The following PRKD1 variants were observed in gnomAD, a reference collection of about 807,000 sequenced individuals.
PRKD1 encodes the protein protein kinase D1.
A neutral mutation model predicts 95.9 loss-of-function variants in PRKD1; 63 were observed. The ratio of observed to expected loss-of-function variants is 0.66; its 90% confidence interval spans 0.54 to 0.81. The LOEUF is 0.81. Ranked by LOEUF, PRKD1 falls within the 30% of genes least tolerant of loss-of-function variation. The probability of loss-of-function intolerance (pLI) is 0.00; values close to 1 mark genes in which losing one functional copy is unlikely to be tolerated. For synonymous variants in PRKD1, 425 were observed against 423.1 expected, an observed-to-expected ratio of 1.00 and a Z score of -0.05; for missense variants, 1,048 against 1,165.3, an observed-to-expected ratio of 0.90 and a Z score of 1.47.
At chr14:29,643,225 G>C (rs1391374061) in intron 4 of PRKD1, among the ~76,000 whole-genome samples, 1 of 151,836 alleles carries the variant, frequency 6.6e-6, no homozygotes. Context: ...ATTTGATTTG[G>C]CAAATTATAT....
intron 1 of PRKD1, among the ~76,000 whole-genome samples, chr14:29,836,129 A>T (rs564727088): frequency 1.4e-4 from 21 of 152,314 alleles, no homozygotes; most frequent in African/African-American, 4.8e-4. Context: ...CAGACTACAG[A>T]GAAGGCATTT....
intron 1 of PRKD1, among the ~76,000 whole-genome samples, chr14:29,781,983 C>G (rs1230057121): frequency 6.6e-6 from 1 of 152,188 alleles, no homozygotes; most frequent in African/African-American, 2.4e-5. Context: ...TTTCTCTGAT[C>G]TTGTCAAGAA....
At chr14:29,622,693 T>G (rs4981052) in intron 13 of PRKD1, among the ~76,000 whole-genome samples, 146,814 of 152,256 alleles carry the variant, frequency 0.96, 70,837 homozygotes, top group Non-Finnish European at 0.98. Flanking sequence ...GTGAGCCATC[T>G]CGGCCGGCCT....
chr14:29,595,792 T>C (rs1361071669), intron 16 of PRKD1, among the ~76,000 whole-genome samples: 1 of 152,176 alleles, frequency 6.6e-6, no homozygotes, highest in African/African-American at 2.4e-5. Context: ...AAGTGTTTGA[T>C]TGGCTTCAGT....
intron 1 of PRKD1, among the ~76,000 whole-genome samples, chr14:29,870,599 T>C (rs934273708): frequency 1.3e-5 from 2 of 152,232 alleles, no homozygotes; most frequent in African/African-American, 2.4e-5. Context: ...CTACACCTTG[T>C]AAAAATTCCT....
chr14:29,657,487 C>G (rs1881936298), intron 4 of PRKD1: 1 of 152,202 alleles, frequency 6.6e-6, no homozygotes, highest in Non-Finnish European at 1.5e-5. Flanking sequence ...CATTTGCAAT[C>G]TGCAGCTAAC....
At chr14:29,700,753 G>A (rs1884784577) in intron 2 of PRKD1, among the ~76,000 whole-genome samples, 1 of 152,140 alleles carries the variant, frequency 6.6e-6, no homozygotes, top group Admixed American at 6.6e-5. Flanking sequence ...CCAATCAGTT[G>A]AAGGCATTAA....
At chr14:29,916,698 T>G (rs1333689910) in intron 1 of PRKD1, among the ~76,000 whole-genome samples, 1 of 152,200 alleles carries the variant, frequency 6.6e-6, no homozygotes, top group Non-Finnish European at 1.5e-5. Flanking sequence ...CCAAGGATGC[T>G]AAATGCAAAG....
intron 16 of PRKD1, among the ~76,000 whole-genome samples, chr14:29,594,530 T>C (rs943998235): frequency 1.3e-5 from 2 of 152,190 alleles, no homozygotes; most frequent in African/African-American, 2.4e-5. Context: ...ATTTTACAGA[T>C]GAGGAACTGA....
intron 1 of PRKD1, among the ~76,000 whole-genome samples, chr14:29,832,836 G>A (rs994574889): frequency 2.6e-5 from 4 of 151,982 alleles, no homozygotes; most frequent in Admixed American, 2.6e-4. Flanking sequence ...TCTTAACAAG[G>A]CTCCCAGTGA....
At chr14:29,609,508 A>ACG (rs1182298439) in intron 13 of PRKD1, among the ~76,000 whole-genome samples, 4 of 137,340 alleles carry the variant, frequency 2.9e-5, no homozygotes, top group African/African-American at 1.2e-4. Flanking sequence ...GTGTGCGTGC[A>ACG]CACACACACA....
rs1209308206 is a variant in PRKD1 at position 29,576,686 on chromosome 14, GCA to G, written c.*550_*551del. ...TTGTCTTGAGTTTAAATATACTGAG[GCA>G]CACCAGGCAGGCAAAGGATTCAAAA... On this transcript the variant is annotated 3_prime_UTR_variant, in exon 18 of 18. Transcript: ENST00000331968. 2 of 167,454 alleles carry G rather than the reference GCA, an allele frequency of 1.2e-5. No homozygotes were observed. The highest frequency in any genetic ancestry group is 2.6e-5 in the Non-Finnish European group (2 of 75,520). 10.4% of individuals were successfully genotyped at this position (167,454 alleles called of 1,614,324 possible). A position where few individuals can be genotyped will look rare whatever the true frequency, so the allele number is the denominator to read the frequency against.
intron 1 of PRKD1, among the ~76,000 whole-genome samples, chr14:29,889,842 A>G (rs570200142): frequency 6.6e-6 from 1 of 152,366 alleles, no homozygotes; most frequent in East Asian, 1.9e-4. Context: ...CCTATGTAAC[A>G]AACCTGCACG....
intron 1 of PRKD1, among the ~76,000 whole-genome samples, chr14:29,800,929 C>T (rs1459233537): frequency 6.6e-6 from 1 of 152,120 alleles, no homozygotes; most frequent in Non-Finnish European, 1.5e-5. Flanking sequence ...ATGGTATATA[C>T]ATTTTAAACT....
At chr14:29,795,392 T>C (rs1889769084) in intron 1 of PRKD1, among the ~76,000 whole-genome samples, 1 of 152,120 alleles carries the variant, frequency 6.6e-6, no homozygotes, top group Admixed American at 6.6e-5. Context: ...TCTTCCTCTG[T>C]ATTCTTACCT....
intron 2 of PRKD1, among the ~76,000 whole-genome samples, chr14:29,694,422 T>G (rs187414898): frequency 1.2e-3 from 188 of 152,334 alleles, no homozygotes; most frequent in Non-Finnish European, 1.5e-3. Context: ...AAGTGAAATT[T>G]CTTGTGGACC....
At chr14:29,647,783 T>C (rs1881223606) in intron 4 of PRKD1, among the ~76,000 whole-genome samples, 1 of 152,060 alleles carries the variant, frequency 6.6e-6, no homozygotes, top group South Asian at 2.1e-4. Context: ...AGAGACCAAA[T>C]AGGGGTGCAG....
At chr14:29,622,674 A>T (rs1181901987) in intron 13 of PRKD1, among the ~76,000 whole-genome samples, 1 of 152,088 alleles carries the variant, frequency 6.6e-6, no homozygotes, top group East Asian at 1.9e-4. Context: ...AAATGCTAGG[A>T]TTACAGGCGT....
At chr14:29,586,526 G>A (rs1178872558) in intron 16 of PRKD1, among the ~76,000 whole-genome samples, 1 of 152,186 alleles carries the variant, frequency 6.6e-6, no homozygotes, top group African/African-American at 2.4e-5. Context: ...TAAATCCACA[G>A]TAAACTCAGT....
Sources: gnomAD v4.1 joint callset for allele counts (sites outside exome capture counted in the v4.1 genomes callset) on GRCh38, gnomAD v4.1.1 for gene constraint, MANE v1.5 for transcripts, NCBI Gene and HGNC (gene_info 2026-07-23, HGNC 2026-07-21) for gene names.